The following ADCY3 variants were observed in gnomAD, a reference collection of about 807,000 sequenced individuals.
ADCY3 encodes the protein adenylate cyclase type 3.
A neutral mutation model predicts 119.4 loss-of-function variants in ADCY3; 70 were observed. The observed-to-expected ratio is 0.59, with a 90% CI of 0.48 to 0.72. The LOEUF (loss-of-function observed/expected upper bound fraction) is 0.72, where lower values mean the gene tolerates loss of function less well. Among genes scored for constraint, ADCY3 ranks in the 30% least tolerant of loss-of-function variants. The pLI, the probability that ADCY3 is intolerant of heterozygous loss-of-function variation, is 0.00. For missense variants in ADCY3, 1,238 were observed against 1,541.6 expected, an observed-to-expected ratio of 0.80 and a Z score of 3.30; for synonymous variants, 672 against 621.4, an observed-to-expected ratio of 1.08 and a Z score of -1.21.
chr2:24,843,948 G>A (rs1047731573), intron 3 of ADCY3, among the ~76,000 whole-genome samples: 11 of 152,228 alleles, frequency 7.2e-5, no homozygotes, highest in African/African-American at 2.4e-4. Flanking sequence ...TGATGATGGC[G>A]TCTGGTGAAG....
chr2:24,831,313 T>A (rs1669466302), intron 12 of ADCY3, among the ~76,000 whole-genome samples: 1 of 151,706 alleles, frequency 6.6e-6, no homozygotes, highest in South Asian at 2.1e-4. Context: ...CTAAGGGCCT[T>A]CACCATCGGG....
intron 3 of ADCY3, among the ~76,000 whole-genome samples, chr2:24,862,673 G>A (rs2082878): frequency 1.5e-4 from 23 of 151,900 alleles, no homozygotes; most frequent in Non-Finnish European, 2.9e-4. Flanking sequence ...CATGGTGAGT[G>A]TACTAAACCA....
chr2:24,871,462 C>T (rs1475220286), intron 3 of ADCY3, among the ~76,000 whole-genome samples: 2 of 152,212 alleles, frequency 1.3e-5, no homozygotes, highest in Non-Finnish European at 2.9e-5. Flanking sequence ...GAAAACATCC[C>T]CAGGACAGTG....
chr2:24,917,795 G>C (rs1360744924), intron 2 of ADCY3, among the ~76,000 whole-genome samples: 1 of 152,184 alleles, frequency 6.6e-6, no homozygotes, highest in Non-Finnish European at 1.5e-5. Context: ...TCTTCCCTCT[G>C]TGCAGCCCTT....
At chr2:24,855,798 G>A (rs1403916677) in intron 3 of ADCY3, among the ~76,000 whole-genome samples, 1 of 152,186 alleles carries the variant, frequency 6.6e-6, no homozygotes, top group African/African-American at 2.4e-5. Context: ...CTCCTGGGCT[G>A]GGATCTCAGC....
intron 2 of ADCY3, among the ~76,000 whole-genome samples, chr2:24,904,445 C>T (rs760676797): frequency 1.6e-4 from 25 of 151,792 alleles, no homozygotes; most frequent in East Asian, 3.9e-4. Flanking sequence ...CACTTGAACC[C>T]GGGAGGCAGA....
intron 2 of ADCY3, among the ~76,000 whole-genome samples, chr2:24,890,929 T>TG: frequency 6.6e-6 from 1 of 152,092 alleles, no homozygotes; most frequent in Non-Finnish European, 1.5e-5. Context: ...TGGAGCGCAG[T>TG]GGCACGATCT....
At chr2:24,852,792 G>A (rs953457869) in intron 3 of ADCY3, among the ~76,000 whole-genome samples, 1 of 152,216 alleles carries the variant, frequency 6.6e-6, no homozygotes, top group Non-Finnish European at 1.5e-5. Flanking sequence ...CAGAGTGGCC[G>A]AGCCGGTGCT....
At position 24,831,594 on chromosome 2, in the gene ADCY3, G is replaced by A; in HGVS notation, c.2055+68C>T. The stretch of plus-strand genomic sequence containing the variant: ...TGACAGAAAGAATAACTCCATCACT[G>A]CCCAGTTTTACAGGGAGTGCCACTC... On this transcript the variant is annotated intron_variant, in intron 12 of 21. Transcript: ENST00000679454. 5 of 1,232,308 alleles carry A rather than the reference G, an allele frequency of 4.1e-6. No individual in the cohort carries two copies. In the South Asian group the frequency reaches 6.2e-5, roughly 15 times the overall value. 76.3% of individuals were successfully genotyped at this position (1,232,308 alleles called of 1,614,324 possible).
intron 3 of ADCY3, among the ~76,000 whole-genome samples, chr2:24,864,494 G>C (rs918279050): frequency 6.6e-6 from 1 of 152,082 alleles, no homozygotes; most frequent in Non-Finnish European, 1.5e-5. Flanking sequence ...ATGTCCAAAT[G>C]AACAAACAAA....
chr2:24,918,508 C>T lies in ADCY3; in HGVS notation c.480G>A (p.Ala160=), dbSNP rs77022138. 1.7e-5 allele frequency: 28 copies of T among 1,613,774 alleles called. No homozygotes were observed. The Middle Eastern group carries it at 4.9e-4, about 28-fold the overall frequency. Reference sequence around the variant, plus strand: ...CCGTGTCACTAGCCGCGTGGGCACGCGCGAAGTTCAGGCCCAGGTAGGAGA... The same window carrying T: ...CCGTGTCACTAGCCGCGTGGGCACGTGCGAAGTTCAGGCCCAGGTAGGAGA... ...QIFSYLGLNF[A]RAHAASDTVG... Residue 160 remains alanine, a synonymous_variant, in exon 2 of 22, where the codon GCG becomes GCA. Transcript: ENST00000679454. The surrounding 1 kb of genome is among the most constrained non-coding windows in gnomAD (Gnocchi z 5.4).
intron 7 of ADCY3, 148 bp from the exon 8 acceptor site, chr2:24,838,770 T>C: frequency 1.3e-6 from 2 of 1,590,484 alleles, no homozygotes; most frequent in Non-Finnish European, 8.6e-7. Flanking sequence ...GAGGCAGTTC[T>C]GCCACTAACT....
chr2:24,843,301 T>C (rs1023649249), intron 3 of ADCY3, among the ~76,000 whole-genome samples: 5 of 152,192 alleles, frequency 3.3e-5, no homozygotes, highest in African/African-American at 1.2e-4. Flanking sequence ...GGTGCAAACA[T>C]GGCTCACAGT....
chr2:24,824,277 CCT>C (rs1668277430), intron 17 of ADCY3, 99 bp downstream of exon 17: 8 of 1,468,040 alleles, frequency 5.4e-6, no homozygotes, highest in African/African-American at 2.8e-5. Context: ...GCCCCAGTCC[CCT>C]GTCCCTGAGA....
intron 15 of ADCY3, chr2:24,826,411 T>C (rs1668627502): frequency 2.9e-6 from 1 of 345,306 alleles, no homozygotes; most frequent in Non-Finnish European, 5.3e-6. Context: ...ATTGCCTGAC[T>C]GATCACAGAG....
At position 24,819,944 on chromosome 2, in the gene ADCY3, C is replaced by T. The variant is rs370907736; in HGVS notation, c.3423G>A (p.Val1141=). The T allele has an allele frequency of 9.3e-6, 15 of 1,613,750 alleles. No individual in the cohort carries two copies. The African/African-American group carries it at 1.2e-4, about 13-fold the overall frequency. ...GPSVTLPHQV[V]DNS is the part of the protein sequence containing the mutation. Reference sequence around the variant, plus strand: ...GGCTCGAGGCCATTCAGGAGTTGTCCACCACCTGGTGGGGCAGTGTGACAG... The same window carrying T: ...GGCTCGAGGCCATTCAGGAGTTGTCTACCACCTGGTGGGGCAGTGTGACAG... The change falls in exon 22 of 22, where the codon GTG becomes GTA. Residue 1141 remains valine (V), a synonymous_variant. Transcript: ENST00000679454.
At chr2:24,871,870 G>A (rs1311055293) in intron 3 of ADCY3, among the ~76,000 whole-genome samples, 3 of 152,176 alleles carry the variant, frequency 2.0e-5, no homozygotes, top group South Asian at 2.1e-4. Flanking sequence ...AGGATGGTGC[G>A]GCCATGGAAG....
At chr2:24,824,255 A>T (rs1342723176) in intron 17 of ADCY3, 123 bp downstream of exon 17, 59 of 1,255,246 alleles carry the variant, frequency 4.7e-5, no homozygotes, top group Non-Finnish European at 5.8e-5. Flanking sequence ...GTTTAGGTTC[A>T]GCCCTACCTA....
rs1185500153 is a variant in ADCY3 at position 24,878,293 on chromosome 2, TG to T, written c.676-5575del. 1.3e-5 allele frequency among the ~76,000 whole-genome samples: 2 copies of T among 152,132 alleles called. No homozygotes were observed. Among genetic ancestry groups the T allele is most frequent in the African/African-American group, 4.8e-5 (2 of 41,418 alleles). ...CATTCCTTTACAAAATCCTCCCTCC[TG>T]GAAGTTTACGCATCGCAAGATCCTT... is the stretch of plus-strand genomic sequence containing the variant. On this transcript the variant is annotated intron_variant, in intron 2 of 21. Transcript: ENST00000679454. The surrounding 1 kb of genome is among the most constrained non-coding windows in gnomAD (Gnocchi z 4.0).
Sources: gnomAD v4.1 joint callset for allele counts (sites outside exome capture counted in the v4.1 genomes callset) on GRCh38, gnomAD v4.1.1 for gene constraint, Gnocchi (gnomAD v3.1) non-coding constraint, MANE v1.5 for transcripts, NCBI Gene and HGNC (gene_info 2026-07-23, HGNC 2026-07-21) for gene names.